Variants in VRK3 observed in about 807,000 individuals in gnomAD.
VRK3 encodes the protein VRK serine/threonine kinase 3.
VRK3 carries 50 observed loss-of-function variants against 60.4 expected under a neutral mutation model. The observed-to-expected ratio is 0.83, with a 90% CI of 0.66 to 1.05. The LOEUF (loss-of-function observed/expected upper bound fraction) is 1.05. Ranked by LOEUF, VRK3 falls within the 50% of genes least tolerant of loss-of-function variation. The pLI is 0.00. For missense variants in VRK3, 549 were observed against 585.3 expected (o/e 0.94, Z 0.64); for synonymous variants, 246 against 227.8 (o/e 1.08, Z -0.72).
At chr19:50,016,224 T>C (rs988717427) in intron 2 of VRK3, 61 bp from the exon 3 acceptor site, 6 of 1,600,532 alleles carry the variant, frequency 3.7e-6, no homozygotes, top group Non-Finnish European at 5.1e-6. Flanking sequence ...AGTGGAAGTA[T>C]TGTTGAACTG....
intron 7 of VRK3, among the ~76,000 whole-genome samples, chr19:49,995,572 T>C (rs1203268302): frequency 6.6e-6 from 1 of 152,050 alleles, no homozygotes; most frequent in African/African-American, 2.4e-5. Context: ...ACTTCCGAAT[T>C]CACACATAGA....
chr19:49,980,485 G>A (rs772673676), intron 13 of VRK3, among the ~76,000 whole-genome samples: 3 of 152,148 alleles, frequency 2.0e-5, no homozygotes, highest in Non-Finnish European at 2.9e-5. Flanking sequence ...GGAGGCCGAG[G>A]TAGGTAGATC....
At chr19:49,980,481 C>T (rs913669105) in intron 13 of VRK3, among the ~76,000 whole-genome samples, 3 of 151,952 alleles carry the variant, frequency 2.0e-5, no homozygotes, top group African/African-American at 7.2e-5. Flanking sequence ...TTTGGGAGGC[C>T]GAGGTAGGTA....
intron 7 of VRK3, chr19:49,997,218 C>G (rs2122197168): frequency 3.6e-6 from 1 of 276,130 alleles, no homozygotes; most frequent in South Asian, 7.6e-5. Context: ...CTCCTGGCCT[C>G]AAGTGATCTG....
At position 49,992,840 on chromosome 19, in the gene VRK3, G is replaced by A; in HGVS notation, c.963+20C>T. 1.2e-6 allele frequency: 2 copies of A among 1,610,626 alleles called. No individual in the cohort carries two copies. The highest frequency in any genetic ancestry group is 1.7e-4 in the Middle Eastern group (1 of 6,050). The stretch of plus-strand genomic sequence containing the variant: ...CCTGAGCCCAGAGATCTTCCAGAGT[G>A]GGCAGGAGCTGGCTCTTACCTGACT... On this transcript the variant is annotated intron_variant, in intron 10 of 14. Transcript: ENST00000316763.
At chr19:49,985,007 GC>G (rs914837557) in intron 12 of VRK3, among the ~76,000 whole-genome samples, 3 of 152,158 alleles carry the variant, frequency 2.0e-5, no homozygotes, top group African/African-American at 7.2e-5. Context: ...GGGAATTGAG[GC>G]CCCCCTACTG....
chr19:50,004,754 TA>T lies in VRK3; in HGVS notation c.547+2814del, dbSNP rs568163518. Among the ~76,000 whole-genome samples, 441 of 151,756 alleles carry T rather than the reference TA, an allele frequency of 2.9e-3. 3 individuals carry two copies. The highest frequency in any genetic ancestry group is 0.01 in the African/African-American group (422 of 41,260). Reference sequence around the variant, plus strand: ...GAGACTGTCTCTATTTAAAAAAAATTAAAAAATTAGCCTGGCGTGGTGGCGC... The same window carrying T: ...GAGACTGTCTCTATTTAAAAAAAATTAAAAATTAGCCTGGCGTGGTGGCGC... On this transcript the variant is annotated intron_variant, in intron 5 of 14. Coordinates refer to ENST00000316763, the MANE Select transcript of VRK3 (RefSeq NM_016440.4).
intron 1 of VRK3, among the ~76,000 whole-genome samples, chr19:50,021,776 G>A (rs2077174538): frequency 6.6e-6 from 1 of 152,248 alleles, no homozygotes; most frequent in Non-Finnish European, 1.5e-5. Context: ...GCTGCACAGA[G>A]AGGTCAAGTC....
Position 49,979,218 on chromosome 19 carries a change from AC to A in VRK3, c.1300del (p.Val434TrpfsTer2), listed in dbSNP as rs2076381122. On this transcript the variant is annotated frameshift_variant, in exon 14 of 15. Transcript: ENST00000316763. LOFTEE classifies it high-confidence loss of function. Reference protein sequence around the residue: ...PSETLQKYLKVVMALTYEEKP... With the variant: ...PSETLQKYLKXVMALTYEEKP... ...CTCCTCATACGTGAGGGCCATCACC[AC>A]CTTCAGGTACTTCTGCAGGGTCTCT... 1 of 1,613,266 alleles carries A rather than the reference AC, an allele frequency of 6.2e-7. No homozygotes were observed. Among genetic ancestry groups the A allele is most frequent in the South Asian group, 1.1e-5 (1 of 91,064 alleles).
At chr19:50,023,399 G>T (rs913629318) in intron 1 of VRK3, among the ~76,000 whole-genome samples, 1 of 152,198 alleles carries the variant, frequency 6.6e-6, no homozygotes, top group Non-Finnish European at 1.5e-5. Flanking sequence ...TGGCCAGGCT[G>T]GTCTTAAACT....
intron 13 of VRK3, 39 bp from the exon 14 acceptor site, chr19:49,979,281 A>G (rs1186929773): frequency 1.2e-6 from 2 of 1,613,442 alleles, no homozygotes; most frequent in East Asian, 2.2e-5. Flanking sequence ...AGAGCCTGAG[A>G]GGCATCCCCC....
chr19:50,014,919 A>AT (rs1227751241), intron 3 of VRK3, among the ~76,000 whole-genome samples: 1 of 152,128 alleles, frequency 6.6e-6, no homozygotes, highest in African/African-American at 2.4e-5. Context: ...AGGCTTCTGC[A>AT]TAAGAGAGGT....
chr19:49,982,134 C>T, intron 12 of VRK3: 1 of 702,978 alleles, frequency 1.4e-6, no homozygotes. Flanking sequence ...GGTGACCGAG[C>T]CTTGTTTCTG....
Position 49,976,471 on chromosome 19 carries a change from G to A in VRK3, c.*325C>T, listed in dbSNP as rs1242699569. 6.6e-6 allele frequency: 1 copy of A among 152,528 alleles called. No individual in the cohort carries two copies. Among genetic ancestry groups the A allele is most frequent in the East Asian group, 1.9e-4 (1 of 5,192 alleles). The allele number at this position is 152,528 out of a possible 1,614,324, so 9.4% of individuals were successfully genotyped here. The stretch of plus-strand genomic sequence containing the variant: ...ACAGATAACTGACTCCTCAAGCTCT[G>A]GTAAAACAATTTATTACCAAAGCAC... On this transcript the variant is annotated 3_prime_UTR_variant, in exon 15 of 15. Coordinates refer to ENST00000316763, the MANE Select transcript of VRK3 (RefSeq NM_016440.4).
chr19:49,979,908 C>T (rs1010172112), intron 13 of VRK3, among the ~76,000 whole-genome samples: 3 of 151,532 alleles, frequency 2.0e-5, no homozygotes, highest in African/African-American at 7.3e-5. Flanking sequence ...AAATTAGCCA[C>T]ACATGGTGGC....
In VRK3 at chr19:50,016,155, G is replaced by T. The variant is rs1457163543; in HGVS notation, c.8C>A (p.Ser3Tyr). 1 of 1,614,116 alleles carries T rather than the reference G, an allele frequency of 6.2e-7. No homozygotes were observed. The stretch of plus-strand genomic sequence containing the variant: ...ACTTTTGCCACAGTCTGGACAGAAG[G>T]AGATCATGCTACAAAACAGAATGAA... MI[S>Y]FCPDCGKSIQ... is the part of the protein sequence containing the mutation. The change falls in exon 3 of 15, where the codon TCC becomes TAC. Residue 3 changes from serine (S) to tyrosine (Y), a missense_variant. Physicochemically the swap from Ser to Tyr is moderately radical, Grantham distance 144. Transcript: ENST00000316763.
intron 2 of VRK3, among the ~76,000 whole-genome samples, chr19:50,017,432 G>A (rs2077096145): frequency 6.6e-6 from 1 of 151,258 alleles, no homozygotes; most frequent in African/African-American, 2.4e-5. Flanking sequence ...AAATTAGCCA[G>A]GCGTGGTGGT....
chr19:49,986,659 AGGGAAGGACT>A (rs1343032564), intron 12 of VRK3: 3 of 152,268 alleles, frequency 2.0e-5, no homozygotes, highest in Non-Finnish European at 4.4e-5. Flanking sequence ...GCTTCATGTG[AGGGAAGGACT>A]GGGAAGGACT....
At chr19:49,977,262 C>T (rs549134961) in intron 14 of VRK3, among the ~76,000 whole-genome samples, 3 of 152,172 alleles carry the variant, frequency 2.0e-5, no homozygotes, top group Admixed American at 6.5e-5. Flanking sequence ...AGCTCGGCCT[C>T]GGGCCAAGGC....
Sources: gnomAD v4.1 joint callset for allele counts (sites outside exome capture counted in the v4.1 genomes callset) on GRCh38, gnomAD v4.1.1 for gene constraint, MANE v1.5 for transcripts, NCBI Gene and HGNC (gene_info 2026-07-23, HGNC 2026-07-21) for gene names.